Variants in FAM81B observed in about 807,000 individuals in gnomAD.
FAM81B encodes the protein protein FAM81B.
Under a neutral mutation model 58.7 loss-of-function variants are expected in FAM81B, and 60 were observed. The observed-to-expected ratio is 1.02, with a 90% CI of 0.83 to 1.27. FAM81B has a LOEUF of 1.27. Among genes scored for constraint, FAM81B ranks in the 50% most tolerant of loss-of-function variants. FAM81B has a pLI of 0.00. For synonymous variants in FAM81B, 189 were observed against 179.6 expected, an observed-to-expected ratio of 1.05 and a Z score of -0.42; for missense variants, 491 against 522.0, an observed-to-expected ratio of 0.94 and a Z score of 0.58.
chr5:95,448,785 C>A (rs962795789), intron 9 of FAM81B: 21 of 455,360 alleles, frequency 4.6e-5, no homozygotes, highest in African/African-American at 4.3e-4. Context: ...ATACCCAAGA[C>A]GTGACTTGTG....
At chr5:95,424,768 C>A (rs1053784548) in intron 5 of FAM81B, among the ~76,000 whole-genome samples, 5 of 149,472 alleles carry the variant, frequency 3.3e-5, no homozygotes, top group African/African-American at 1.2e-4. Context: ...GGTCAGAAAC[C>A]ACTGTAGTTT....
In FAM81B at chr5:95,428,707, C is replaced by T; in HGVS notation, c.761C>T (p.Thr254Ile). The T allele has an allele frequency of 6.2e-7, 1 of 1,613,964 alleles. No individual in the cohort carries two copies. Among genetic ancestry groups the T allele is most frequent in the Non-Finnish European group, 8.5e-7 (1 of 1,179,836 alleles). Residue 254 changes from threonine (T) to isoleucine (I), a missense_variant, in exon 6 of 10, where the codon ACT becomes ATT. By Grantham distance (89) the Thr-to-Ile change is moderately conservative. Coordinates refer to ENST00000283357, the MANE Select transcript of FAM81B (RefSeq NM_152548.3). ...AIQEFVPALE[T>I]LSKNLDMKVM... ...CAAGAATTCGTGCCCGCCCTGGAAA[C>T]TCTTTCCAAGAACTTGGACATGAAG...
chr5:95,436,836 T>C lies in FAM81B; in HGVS notation c.823T>C (p.Ser275Pro), dbSNP rs6878669. ...QLLGKIETASSEQTSNLKMVQ... is the reference protein window; with the variant it reads ...QLLGKIETASPEQTSNLKMVQ... ...CTTAGGAAAGATAGAAACTGCCAGT[T>C]CTGAGCAAACCTCGAATTTAAAGAT... Residue 275 changes from serine (S) to proline (P), a missense_variant, in exon 7 of 10, where the codon TCT becomes CCT. By Grantham distance (74) the Ser-to-Pro change is moderately conservative. Coordinates refer to ENST00000283357, the MANE Select transcript of FAM81B (RefSeq NM_152548.3). 45 of 1,614,108 alleles carry C rather than the reference T, an allele frequency of 2.8e-5. No individual in the cohort carries two copies. The South Asian group carries it at 4.5e-4, about 16-fold the overall frequency.
At chr5:95,430,574 A>G (rs1054809668) in intron 6 of FAM81B, among the ~76,000 whole-genome samples, 1 of 151,962 alleles carries the variant, frequency 6.6e-6, no homozygotes, top group African/African-American at 2.4e-5. Context: ...ATAGATGGAC[A>G]TTTGGGTTCT....
At chr5:95,409,486 T>TTTTTTTTTTTTTTTTTTTTTTTGAGACGG (rs1554043553) in intron 3 of FAM81B, among the ~76,000 whole-genome samples, 9 of 151,506 alleles carry the variant, frequency 5.9e-5, no homozygotes, top group Non-Finnish European at 1.0e-4. Flanking sequence ...GAATTTTTCT[T>TTTTTTTTTTTTTTTTTTTTTTTGAGACGG]AATGTGGCTA....
intron 2 of FAM81B, among the ~76,000 whole-genome samples, chr5:95,395,442 CAAA>C (rs70978184): frequency 5.8e-5 from 6 of 103,096 alleles, no homozygotes; most frequent in African/African-American, 3.8e-5. Context: ...GACCCCGTCT[CAAA>C]AAAAAAAAAA....
intron 2 of FAM81B, 57 bp downstream of exon 2, chr5:95,392,954 A>C: frequency 7.0e-7 from 1 of 1,430,060 alleles, no homozygotes; most frequent in South Asian, 1.3e-5. Context: ...GCTTCTTTAA[A>C]GTTTAGAGTG....
intron 5 of FAM81B, among the ~76,000 whole-genome samples, chr5:95,426,903 G>A (rs550991339): frequency 2.0e-5 from 3 of 152,262 alleles, no homozygotes; most frequent in Admixed American, 1.3e-4. Flanking sequence ...AAAAAAATTA[G>A]CCAGGCGTGG....
intron 3 of FAM81B, among the ~76,000 whole-genome samples, chr5:95,407,943 T>C (rs1762303802): frequency 6.6e-6 from 1 of 152,214 alleles, no homozygotes; most frequent in Non-Finnish European, 1.5e-5. Flanking sequence ...TCAGGAATTC[T>C]AGGATAGTTC....
intron 7 of FAM81B, among the ~76,000 whole-genome samples, chr5:95,444,972 C>A (rs2152770589): frequency 6.6e-6 from 1 of 152,138 alleles, no homozygotes; most frequent in East Asian, 1.9e-4. Flanking sequence ...TTGTGACAAC[C>A]AAAATTGTCT....
chr5:95,418,417 G>A (rs1237237026), intron 4 of FAM81B, among the ~76,000 whole-genome samples: 1 of 152,138 alleles, frequency 6.6e-6, no homozygotes, highest in Admixed American at 6.5e-5. Flanking sequence ...TGTATGCTGA[G>A]TTTGCTAAAA....
At chr5:95,424,217 A>G (rs1022036748) in intron 5 of FAM81B, 3 of 1,289,746 alleles carry the variant, frequency 2.3e-6, no homozygotes, top group Non-Finnish European at 3.0e-6. Flanking sequence ...AAGACATAAT[A>G]GTTATTGTTA....
intron 2 of FAM81B, among the ~76,000 whole-genome samples, chr5:95,393,991 AG>A (rs1761898835): frequency 6.6e-6 from 1 of 152,224 alleles, no homozygotes; most frequent in African/African-American, 2.4e-5. Flanking sequence ...CAATTAGCAA[AG>A]ATATAAAAAT....
intron 7 of FAM81B, among the ~76,000 whole-genome samples, chr5:95,441,311 C>T (rs1217153924): frequency 6.6e-6 from 1 of 152,134 alleles, no homozygotes; most frequent in African/African-American, 2.4e-5. Context: ...TGGCTCACCC[C>T]TGTAATTCCA....
intron 5 of FAM81B, among the ~76,000 whole-genome samples, chr5:95,425,632 A>G (rs9314141): frequency 0.21 from 31,603 of 151,988 alleles, 3,383 homozygotes; most frequent in African/African-American, 0.26. Flanking sequence ...CTTAGAAAAG[A>G]AATCATGGTT....
At chr5:95,391,610 A>G in intron 1 of FAM81B, 97 bp downstream of exon 1, 6 of 1,361,480 alleles carry the variant, frequency 4.4e-6, no homozygotes, top group Non-Finnish European at 6.0e-6. Context: ...ATCCCAATGA[A>G]GACCCTCAGA....
chr5:95,420,420 G>C lies in FAM81B; in HGVS notation c.656+18G>C, dbSNP rs2152764804. ...GTAGCCAGGTGAGAAGAAGCATGTT[G>C]ACTAATGTTTAACAGTGAATTCTTG... On this transcript the variant is annotated intron_variant, in intron 5 of 9. Coordinates refer to ENST00000283357, the MANE Select transcript of FAM81B (RefSeq NM_152548.3). 6.2e-7 allele frequency: 1 copy of C among 1,613,118 alleles called. No homozygotes were observed. The highest frequency in any genetic ancestry group is 8.5e-7 in the Non-Finnish European group (1 of 1,179,360).
chr5:95,438,645 A>T (rs987942567), intron 7 of FAM81B, among the ~76,000 whole-genome samples: 2 of 152,250 alleles, frequency 1.3e-5, no homozygotes, highest in South Asian at 4.1e-4. Context: ...ATATTTCAGT[A>T]GTATTACAGT....
At chr5:95,400,395 C>T (rs1041874772) in intron 3 of FAM81B, among the ~76,000 whole-genome samples, 2 of 149,568 alleles carry the variant, frequency 1.3e-5, no homozygotes, top group African/African-American at 5.0e-5. Context: ...TTCCTACAGC[C>T]ACCTTCACAT....
Sources: allele counts gnomAD v4.1 joint callset (sites outside exome capture counted in the v4.1 genomes callset), GRCh38; gene constraint gnomAD v4.1.1; transcripts MANE v1.5; gene names NCBI Gene and HGNC (gene_info 2026-07-23, HGNC 2026-07-21).